Variants in STAG1 observed in about 807,000 individuals in gnomAD.
STAG1 encodes STAG1 cohesin complex component.
STAG1 carries 26 observed loss-of-function variants against 170.9 expected under a neutral mutation model. The ratio of observed to expected loss-of-function variants is 0.15; its 90% CI spans 0.11 to 0.21. The LOEUF (loss-of-function observed/expected upper bound fraction) is 0.21, where lower values mean the gene tolerates loss of function less well. Among genes scored for constraint, STAG1 ranks in the 10% least tolerant of loss-of-function variants. STAG1 has a pLI of 1.00. For missense variants in STAG1, 964 were observed against 1,509.5 expected (o/e 0.64, Z 5.99); for synonymous variants, 514 against 497.7 (o/e 1.03, Z -0.44).
intron 21 of STAG1, among the ~76,000 whole-genome samples, chr3:136,407,911 A>G (rs1195075367): frequency 1.3e-5 from 2 of 151,892 alleles, no homozygotes; most frequent in African/African-American, 4.8e-5. Flanking sequence ...AAAAAAAAAA[A>G]GCATTAGATG....
At chr3:136,574,858 C>G (rs1208568425) in intron 4 of STAG1, among the ~76,000 whole-genome samples, 2 of 152,148 alleles carry the variant, frequency 1.3e-5, no homozygotes, top group Non-Finnish European at 2.9e-5. Flanking sequence ...CCAACAATTA[C>G]AGAATACACA....
At chr3:136,749,917 A>AG (rs1282416383) in intron 1 of STAG1, among the ~76,000 whole-genome samples, 3 of 151,204 alleles carry the variant, frequency 2.0e-5, no homozygotes, top group African/African-American at 7.3e-5. Flanking sequence ...ATTAAAAAAA[A>AG]AAAGAAAGAA....
At chr3:136,707,259 T>C (rs1442229963) in intron 1 of STAG1, among the ~76,000 whole-genome samples, 1 of 152,034 alleles carries the variant, frequency 6.6e-6, no homozygotes, top group Non-Finnish European at 1.5e-5. Flanking sequence ...ATCAAGAAAG[T>C]TAAAAGACAA....
chr3:136,668,208 C>T (rs1032886742), intron 1 of STAG1, among the ~76,000 whole-genome samples: 2 of 149,732 alleles, frequency 1.3e-5, no homozygotes, highest in Non-Finnish European at 3.0e-5. Flanking sequence ...GCATTCTAGC[C>T]GAGGCAACAG....
At chr3:136,441,958 T>C (rs1301262856) in intron 15 of STAG1, among the ~76,000 whole-genome samples, 1 of 152,108 alleles carries the variant, frequency 6.6e-6, no homozygotes, top group African/African-American at 2.4e-5. Context: ...AGCACTATGG[T>C]AGGCCGAGGC....
intron 16 of STAG1, among the ~76,000 whole-genome samples, chr3:136,425,761 AAAG>A (rs1056096492): frequency 1.9e-4 from 28 of 149,736 alleles, no homozygotes; most frequent in East Asian, 9.7e-4. Flanking sequence ...TATATCTATA[AAAG>A]AAGAAGATAT....
At chr3:136,579,818 G>A (rs1293433468) in intron 4 of STAG1, among the ~76,000 whole-genome samples, 1 of 152,108 alleles carries the variant, frequency 6.6e-6, no homozygotes, top group Non-Finnish European at 1.5e-5. Flanking sequence ...AATGCTGTCA[G>A]TGTATACGTA....
At position 136,496,920 on chromosome 3, in the gene STAG1, G is replaced by C. The variant is rs560335537; in HGVS notation, c.902+3303C>G. Among the ~76,000 whole-genome samples the C allele has an allele frequency of 4.0e-5, 6 of 151,814 alleles. No homozygotes were observed. In the South Asian group the frequency reaches 1.2e-3, roughly 31 times the overall value. The stretch of plus-strand genomic sequence containing the variant: ...GCAGGGGGAAAAGGAGTGGGAGAGA[G>C]AGAGGGAGAGAGAGAGAGATGTTAA... On this transcript the variant is annotated intron_variant, in intron 9 of 33. Coordinates refer to ENST00000383202, the MANE Select transcript of STAG1 (RefSeq NM_005862.3).
chr3:136,563,438 C>G (rs1279089037), intron 5 of STAG1, among the ~76,000 whole-genome samples: 1 of 151,976 alleles, frequency 6.6e-6, no homozygotes. Context: ...AAAGTCAGGA[C>G]TATTCAAAAA....
At chr3:136,339,263 C>T (rs1312408410) in intron 32 of STAG1, among the ~76,000 whole-genome samples, 1 of 152,150 alleles carries the variant, frequency 6.6e-6, no homozygotes, top group Non-Finnish European at 1.5e-5. Context: ...ATTTCTGGGC[C>T]AGGCATGGTC....
chr3:136,391,898 G>A (rs559174493), intron 22 of STAG1, among the ~76,000 whole-genome samples: 44 of 152,212 alleles, frequency 2.9e-4, no homozygotes, highest in African/African-American at 1.0e-3. Context: ...AAAACCTATT[G>A]GTGAAACCCA....
At chr3:136,343,765 G>T (rs1262028795) in intron 30 of STAG1, 67 bp downstream of exon 30, 1 of 1,338,832 alleles carries the variant, frequency 7.5e-7, no homozygotes, top group Non-Finnish European at 1.0e-6. Flanking sequence ...AACAAATAAA[G>T]TTTTTCTTAA....
chr3:136,656,496 C>G (rs907005203), intron 1 of STAG1, among the ~76,000 whole-genome samples: 14 of 151,512 alleles, frequency 9.2e-5, no homozygotes, highest in Admixed American at 8.6e-4. Context: ...ACGGTGGTGG[C>G]AGAGGGGTCC....
Position 136,477,337 on chromosome 3 carries a change from G to C in STAG1, c.978C>G (p.Phe326Leu). The change falls in exon 10 of 34, where the codon TTC (phenylalanine) becomes TTG (leucine). Residue 326 changes from phenylalanine (F) to leucine (L), a missense_variant. Phe to Leu is a conservative substitution (Grantham distance 22). Transcript: ENST00000383202. ...GVWMKMYSDAFLNDSYLKYVG... is the reference protein window; with the variant it reads ...GVWMKMYSDALLNDSYLKYVG... ...CATATTTTAGGTAACTGTCATTTAG[G>C]AAGGCATCACTATACATTTTCATCC... The C allele has an allele frequency of 6.2e-7, 1 of 1,612,994 alleles. No homozygotes were observed. The highest frequency in any genetic ancestry group is 8.5e-7 in the Non-Finnish European group (1 of 1,179,646).
chr3:136,384,650 G>T (rs1228374789), intron 22 of STAG1, among the ~76,000 whole-genome samples: 2 of 151,678 alleles, frequency 1.3e-5, no homozygotes, highest in African/African-American at 4.8e-5. Context: ...TACGCCTTTA[G>T]TCCCATACTC....
At chr3:136,375,191 A>G (rs1937528335) in intron 23 of STAG1, among the ~76,000 whole-genome samples, 1 of 152,176 alleles carries the variant, frequency 6.6e-6, no homozygotes, top group Non-Finnish European at 1.5e-5. Context: ...GTATTAGAAA[A>G]CCATTCATAT....
chr3:136,719,665 A>AGGTGGGTG (rs1358167719), intron 1 of STAG1, among the ~76,000 whole-genome samples: 3 of 12,816 alleles, frequency 2.3e-4, no homozygotes, highest in African/African-American at 6.7e-4. Flanking sequence ...GTGGGTGGGT[A>AGGTGGGTG]GGTGGGTGGG....
intron 22 of STAG1, among the ~76,000 whole-genome samples, chr3:136,381,344 T>C (rs1319436329): frequency 6.6e-6 from 1 of 152,132 alleles, no homozygotes; most frequent in African/African-American, 2.4e-5. Flanking sequence ...TGAAGAAATC[T>C]AAGAAATTAT....
chr3:136,526,672 A>G (rs953417591), intron 6 of STAG1, among the ~76,000 whole-genome samples: 4 of 152,158 alleles, frequency 2.6e-5, no homozygotes, highest in Non-Finnish European at 5.9e-5. Flanking sequence ...TAGTTGATGC[A>G]GTTTCTTCCT....
Sources: allele counts gnomAD v4.1 joint callset (sites outside exome capture counted in the v4.1 genomes callset), GRCh38; gene constraint gnomAD v4.1.1; transcripts MANE v1.5; gene names NCBI Gene and HGNC (gene_info 2026-07-23, HGNC 2026-07-21).